SERPINB10: variants seen among roughly 807,000 people sequenced by gnomAD.
SERPINB10 encodes the protein serpin B10.
Under a neutral mutation model 39.1 loss-of-function variants are expected in SERPINB10, and 35 were observed. The observed-to-expected ratio is 0.90, with a 90% confidence interval of 0.68 to 1.19. The LOEUF (loss-of-function observed/expected upper bound fraction) is 1.19, where lower values mean the gene tolerates loss of function less well. SERPINB10 is among the 50% of genes most tolerant of loss of function. The pLI, the probability that SERPINB10 is intolerant of heterozygous loss-of-function variation, is 0.00. For missense variants in SERPINB10, 546 were observed against 460.5 expected, an observed-to-expected ratio of 1.19 and a Z score of -1.70; for synonymous variants, 190 against 158.1, an observed-to-expected ratio of 1.20 and a Z score of -1.52.
At chr18:63,910,716 T>C (rs564028613) in intron 1 of SERPINB10, among the ~76,000 whole-genome samples, 1 of 152,092 alleles carries the variant, frequency 6.6e-6, no homozygotes, top group Non-Finnish European at 1.5e-5. Context: ...GCACCTAGGT[T>C]GATTTCATGT....
intron 5 of SERPINB10, among the ~76,000 whole-genome samples, chr18:63,927,654 C>A (rs1201175825): frequency 6.6e-6 from 1 of 152,074 alleles, no homozygotes; most frequent in Non-Finnish European, 1.5e-5. Flanking sequence ...TTAATTCTAT[C>A]ACACTGAACA....
chr18:63,919,207 T>C (rs1392215384), intron 4 of SERPINB10, among the ~76,000 whole-genome samples: 1 of 149,902 alleles, frequency 6.7e-6, no homozygotes, highest in East Asian at 2.0e-4. Flanking sequence ...TGGGTGAACA[T>C]CAGAGGACCA....
chr18:63,921,696 C>T (rs536456272), intron 5 of SERPINB10, among the ~76,000 whole-genome samples: 1 of 152,014 alleles, frequency 6.6e-6, no homozygotes, highest in South Asian at 2.1e-4. Flanking sequence ...CTGATTCATG[C>T]TGCCCCATGA....
rs1011594007 is a variant in SERPINB10, at chr18:63,935,856, C to G, written c.*614C>G. On this transcript the variant is annotated 3_prime_UTR_variant, in exon 8 of 8. Coordinates refer to ENST00000238508, the MANE Select transcript of SERPINB10 (RefSeq NM_005024.3). ...CATAAATTATGATTGTAAAACTAAA[C>G]CCCCTTTTTCTGCTATTTAAAAAAT... 1.2e-4 allele frequency: 19 copies of G among 152,144 alleles called. No individual in the cohort carries two copies. Among genetic ancestry groups the G allele is most frequent in the African/African-American group, 4.6e-4 (19 of 41,438 alleles). The allele number at this position is 152,144 out of a possible 1,614,324, so 9.4% of individuals were successfully genotyped here. A position where few individuals can be genotyped will look rare whatever the true frequency, so the allele number is the denominator to read the frequency against.
In SERPINB10 at chr18:63,935,132, C is replaced by T. The variant is rs138084090; in HGVS notation, c.1084C>T (p.Arg362Ter). 2.8e-4 allele frequency: 450 copies of T among 1,613,504 alleles called. No individual in the cohort carries two copies. The highest frequency in any genetic ancestry group is 3.3e-4 in the Non-Finnish European group (387 of 1,180,006). ...TGGCAGTGGGAGTGAGATAGATATA[C>T]GAATTAGAGTCCCATCCATTGAATT... The part of the protein sequence containing the change: ...AAGSGSEIDI[R>*]IRVPSIEFNA... Residue 362 changes from arginine (R) to a stop codon, truncating the protein, a stop_gained, in exon 8 of 8, where the codon CGA (arginine) becomes TGA (stop). Transcript: ENST00000238508. LOFTEE classifies it high-confidence loss of function.
chr18:63,917,601 C>T, intron 3 of SERPINB10, 80 bp downstream of exon 3: 2 of 755,668 alleles, frequency 2.6e-6, no homozygotes, highest in Non-Finnish European at 4.1e-6. Context: ...ATAACTGAAG[C>T]AACTTTTAGC....
intron 1 of SERPINB10, among the ~76,000 whole-genome samples, chr18:63,912,602 C>A (rs1235806397): frequency 1.3e-5 from 2 of 151,858 alleles, no homozygotes; most frequent in African/African-American, 4.8e-5. Flanking sequence ...GTATGTTGAA[C>A]CAATATAGTA....
At chr18:63,916,122 C>A (rs1323689102) in intron 2 of SERPINB10, among the ~76,000 whole-genome samples, 1 of 151,822 alleles carries the variant, frequency 6.6e-6, no homozygotes, top group Middle Eastern at 3.4e-3. Context: ...TTTGTTTAGT[C>A]CCTGGTTATC....
intron 5 of SERPINB10, among the ~76,000 whole-genome samples, chr18:63,926,066 C>G (rs997979823): frequency 6.6e-6 from 1 of 151,954 alleles, no homozygotes; most frequent in Non-Finnish European, 1.5e-5. Context: ...TGGTTAAAAA[C>G]AACAAAAATG....
At chr18:63,915,412 T>C in intron 1 of SERPINB10, 90 bp from the exon 2 acceptor site, 1 of 858,348 alleles carries the variant, frequency 1.2e-6, no homozygotes. Context: ...TGTATATGGA[T>C]ATGTATGCAA....
intron 7 of SERPINB10, 74 bp from the exon 8 acceptor site, chr18:63,934,764 G>A (rs542666190): frequency 6.9e-7 from 1 of 1,449,316 alleles, no homozygotes; most frequent in Non-Finnish European, 9.3e-7. Flanking sequence ...AATTCCTAGG[G>A]TGCTCTCTCT....
In SERPINB10 at chr18:63,930,111, C is replaced by G; in HGVS notation, c.557C>G (p.Ala186Gly). 1 of 1,613,540 alleles carries G rather than the reference C, an allele frequency of 6.2e-7. No homozygotes were observed. Among genetic ancestry groups the G allele is most frequent in the Non-Finnish European group, 8.5e-7 (1 of 1,179,682 alleles). Residue 186 changes from alanine (A) to glycine (G), a missense_variant, in exon 6 of 8, where the codon GCC becomes GGC. Ala to Gly is a moderately conservative substitution (Grantham distance 60, BLOSUM62 0). Coordinates refer to ENST00000238508, the MANE Select transcript of SERPINB10 (RefSeq NM_005024.3). ...ACAACCAGGATGATTCTGGTGAACG[C>G]CCTATACTTTAAAGGAATCTGGGAA... Reference protein sequence around the residue: ...DSTTRMILVNALYFKGIWEHQ... With the variant: ...DSTTRMILVNGLYFKGIWEHQ...
chr18:63,922,169 T>C (rs2050151441), intron 5 of SERPINB10, among the ~76,000 whole-genome samples: 1 of 151,990 alleles, frequency 6.6e-6, no homozygotes, highest in African/African-American at 2.4e-5. Flanking sequence ...AGAACATTAA[T>C]GTTTATTGGA....
intron 1 of SERPINB10, among the ~76,000 whole-genome samples, chr18:63,912,976 G>C (rs951545759): frequency 1.2e-4 from 18 of 151,654 alleles, no homozygotes; most frequent in Admixed American, 5.9e-4. Context: ...ATCTGTTCAT[G>C]GTCTCAATAT....
chr18:63,924,683 G>A (rs1460279125), intron 5 of SERPINB10, among the ~76,000 whole-genome samples: 1 of 151,894 alleles, frequency 6.6e-6, no homozygotes, highest in Non-Finnish European at 1.5e-5. Flanking sequence ...TGGCCTTTGA[G>A]TTTCTAACTC....
intron 1 of SERPINB10, among the ~76,000 whole-genome samples, chr18:63,914,401 T>C (rs2050087100): frequency 6.6e-6 from 1 of 152,088 alleles, no homozygotes; most frequent in Non-Finnish European, 1.5e-5. Context: ...TTCTTTTGTT[T>C]CCATTTTTAA....
At chr18:63,932,729 C>G (rs2050232078) in intron 6 of SERPINB10, among the ~76,000 whole-genome samples, 1 of 151,850 alleles carries the variant, frequency 6.6e-6, no homozygotes, top group Non-Finnish European at 1.5e-5. Context: ...TAAAATATGC[C>G]TTAGTTTTTG....
At chr18:63,917,766 A>T (rs567063150) in intron 3 of SERPINB10, among the ~76,000 whole-genome samples, 199 bp from the exon 4 acceptor site, 2 of 152,126 alleles carry the variant, frequency 1.3e-5, no homozygotes, top group East Asian at 3.9e-4. Flanking sequence ...GCTTTTGCAA[A>T]CTAAATGTGA....
intron 5 of SERPINB10, among the ~76,000 whole-genome samples, chr18:63,922,278 A>G (rs1215453158): frequency 6.6e-6 from 1 of 151,932 alleles, no homozygotes; most frequent in African/African-American, 2.4e-5. Flanking sequence ...ATGATATTTA[A>G]CTTCCATCCT....
Sources: allele counts gnomAD v4.1 joint callset (sites outside exome capture counted in the v4.1 genomes callset), GRCh38; gene constraint gnomAD v4.1.1; transcripts MANE v1.5; gene names NCBI Gene and HGNC (gene_info 2026-07-23, HGNC 2026-07-21).